GAPVD1: variants seen among roughly 807,000 people sequenced by gnomAD.
The protein encoded by GAPVD1 is GTPase-activating protein and VPS9 domain-containing protein 1.
Under a neutral mutation model 155.5 loss-of-function variants are expected in GAPVD1, and 35 were observed. The ratio of observed to expected loss-of-function variants is 0.23; its 90% CI spans 0.17 to 0.30. The LOEUF is 0.30. Among genes scored for constraint, GAPVD1 ranks in the 10% least tolerant of loss-of-function variants. The pLI is 1.00. For synonymous variants in GAPVD1, 636 were observed against 619.7 expected, an observed-to-expected ratio of 1.03 and a Z score of -0.39; for missense variants, 1,429 against 1,775.7, an observed-to-expected ratio of 0.80 and a Z score of 3.51.
chr9:125,367,206 G>T lies in GAPVD1; in HGVS notation c.*4460G>T, dbSNP rs1267110398. The T allele has an allele frequency of 6.6e-6, 1 of 151,954 alleles. No homozygotes were observed. The highest frequency in any genetic ancestry group is 2.4e-5 in the African/African-American group (1 of 41,356). 9.4% of individuals were successfully genotyped at this position (151,954 alleles called of 1,614,324 possible). Reference sequence around the variant, plus strand: ...AAGGGGAGAGCAGTTTGATTCACAGGGTTTTATGTTTCTGTCATCTATTTT... The same window carrying T: ...AAGGGGAGAGCAGTTTGATTCACAGTGTTTTATGTTTCTGTCATCTATTTT... On this transcript the variant is annotated 3_prime_UTR_variant, in exon 28 of 28. Transcript: ENST00000297933.
chr9:125,333,999 A>G (rs1281658654), intron 15 of GAPVD1, among the ~76,000 whole-genome samples: 1 of 152,074 alleles, frequency 6.6e-6, no homozygotes, highest in Non-Finnish European at 1.5e-5. Flanking sequence ...ACATTGCCAA[A>G]TGCTCTCTTG....
At chr9:125,359,282 T>A (rs1278348392) in intron 25 of GAPVD1, 138 bp from the exon 26 acceptor site, 6 of 667,326 alleles carry the variant, frequency 9.0e-6, no homozygotes, top group Non-Finnish European at 1.4e-5. Context: ...GAGGCTCAAC[T>A]CTAACTGTAA....
At chr9:125,334,921 A>T (rs1018093678) in intron 15 of GAPVD1, among the ~76,000 whole-genome samples, 1 of 152,184 alleles carries the variant, frequency 6.6e-6, no homozygotes, top group African/African-American at 2.4e-5. Context: ...ACGTGTGTCT[A>T]CCTGCATGAG....
In GAPVD1 at chr9:125,272,684, A is replaced by G. The variant is rs368752310; in HGVS notation, c.-150+3700A>G. On this transcript the variant is annotated intron_variant, in intron 2 of 27. Transcript: ENST00000297933. Reference sequence around the variant, plus strand: ...TTGAAAACCTATTTTAACAAACTGGATAATATTGTTGACTAGGAGGTTTCT... The same window carrying G: ...TTGAAAACCTATTTTAACAAACTGGGTAATATTGTTGACTAGGAGGTTTCT... 3.2e-4 allele frequency among the ~76,000 whole-genome samples: 49 copies of G among 152,312 alleles called. 1 individual carries two copies. In the East Asian group the frequency reaches 6.6e-3, roughly 20 times the overall value.
At chr9:125,322,198 G>A (rs1040747170) in intron 10 of GAPVD1, among the ~76,000 whole-genome samples, 2 of 151,662 alleles carry the variant, frequency 1.3e-5, no homozygotes, top group African/African-American at 4.9e-5. Flanking sequence ...CTGCATAGTT[G>A]GGACTACAGG....
intron 27 of GAPVD1, among the ~76,000 whole-genome samples, chr9:125,361,160 C>T (rs747288245): frequency 6.6e-6 from 1 of 152,084 alleles, no homozygotes; most frequent in Non-Finnish European, 1.5e-5. Flanking sequence ...TGAGCCACCG[C>T]GCCCAGCCAA....
At chr9:125,334,408 G>A (rs1034947920) in intron 15 of GAPVD1, among the ~76,000 whole-genome samples, 2 of 151,936 alleles carry the variant, frequency 1.3e-5, no homozygotes, top group Non-Finnish European at 2.9e-5. Context: ...CCCATATTGC[G>A]TTTTCACCGC....
rs774339962 is a variant in GAPVD1, at chr9:125,346,923, G to A, written c.3151G>A (p.Ala1051Thr). ...KRTSPSDGAM[A>T]NYESTEVMGD... is the part of the protein sequence containing the mutation. ...GACCAGCCCCAGTGATGGAGCAATGGCAAACTATGAAAGTACAGGTGATAA... is the reference window on the plus strand; with the variant it reads ...GACCAGCCCCAGTGATGGAGCAATGACAAACTATGAAAGTACAGGTGATAA... The change falls in exon 20 of 28, where the codon GCA becomes ACA. Residue 1051 changes from alanine (A) to threonine (T), a missense_variant. By Grantham distance (58) the Ala-to-Thr change is moderately conservative. Transcript: ENST00000297933. 24 of 1,612,504 alleles carry A rather than the reference G, an allele frequency of 1.5e-5. No homozygotes were observed. The East Asian group carries it at 5.3e-4, about 36-fold the overall frequency.
rs1846228848 is a variant in GAPVD1, at chr9:125,332,445, C to A, written c.2309-65C>A. ...AGAATGTTTCAGTTTCTCCAAATTT[C>A]ATATACTTTTTGTGTGGATATTTTG... On this transcript the variant is annotated intron_variant, in intron 14 of 27. Transcript: ENST00000297933. 11 of 1,327,794 alleles carry A rather than the reference C, an allele frequency of 8.3e-6. No homozygotes were observed. In the South Asian group the frequency reaches 1.3e-4, roughly 16 times the overall value. 82.3% of individuals were successfully genotyped at this position (1,327,794 alleles called of 1,614,324 possible).
chr9:125,327,912 C>T (rs1419642714), intron 12 of GAPVD1, among the ~76,000 whole-genome samples: 1 of 152,202 alleles, frequency 6.6e-6, no homozygotes, highest in Non-Finnish European at 1.5e-5. Context: ...TTTCTTTCAT[C>T]TGTTCTCCTA....
chr9:125,275,124 G>C (rs1835558400), intron 2 of GAPVD1, among the ~76,000 whole-genome samples: 1 of 152,056 alleles, frequency 6.6e-6, no homozygotes. Context: ...CACCCAGGCT[G>C]GAGTGTAATA....
rs116971362 is a variant in GAPVD1, at chr9:125,261,865, C to G, written c.-293C>G. On this transcript the variant is annotated 5_prime_UTR_variant, in exon 1 of 28. Coordinates refer to ENST00000297933, the MANE Select transcript of GAPVD1 (RefSeq NM_001282680.3). ...AGGCGAGTGGCGAAGGTGGCGGCAG[C>G]GGCGGCGGGGGCAGTCACCGGCTAG... The G allele has an allele frequency of 0.013, 1,982 of 153,852 alleles. 103 individuals are homozygous for G. The highest frequency in any genetic ancestry group is 0.088 in the East Asian group (463 of 5,248). 9.5% of individuals were successfully genotyped at this position (153,852 alleles called of 1,614,324 possible). A position where few individuals can be genotyped will look rare whatever the true frequency, so the allele number is the denominator to read the frequency against.
Position 125,312,600 on chromosome 9 carries a change from G to A in GAPVD1, c.1590G>A (p.Met530Ile), listed in dbSNP as rs17851863. 7 of 1,584,482 alleles carry A rather than the reference G, an allele frequency of 4.4e-6. No individual in the cohort carries two copies. The South Asian group carries it at 8.3e-5, about 19-fold the overall frequency. Residue 530 changes from methionine to isoleucine, a missense_variant, in exon 9 of 28, where the codon ATG (methionine) becomes ATA (isoleucine). Coordinates refer to ENST00000297933, the MANE Select transcript of GAPVD1 (RefSeq NM_001282680.3). ...GTCCCCAGCTTACTCCAGGGATGAT[G>A]TCAGAAAATGAGGTATGAATCAGTT... Reference protein sequence around the residue: ...GTGPQLTPGMMSENEVLNMQL... With the variant: ...GTGPQLTPGMISENEVLNMQL...
At chr9:125,299,601 GC>G (rs1398520964) in intron 4 of GAPVD1, among the ~76,000 whole-genome samples, 1 of 151,700 alleles carries the variant, frequency 6.6e-6, no homozygotes, top group Admixed American at 6.6e-5. Context: ...GTTGCAGTGG[GC>G]CGAGATTGTG....
rs770521147 is a variant in GAPVD1, at chr9:125,302,049, T to C, written c.252T>C (p.Asp84=). 2.5e-6 allele frequency: 4 copies of C among 1,611,836 alleles called. No individual in the cohort carries two copies. Among genetic ancestry groups the C allele is most frequent in the South Asian group, 1.1e-5 (1 of 90,468 alleles). The part of the protein sequence containing the change: ...AKILEDTQFV[D]GYKQLGFQET... The stretch of plus-strand genomic sequence containing the variant: ...TTTTGGAAGATACACAATTTGTTGA[T>C]GGGTATAAGCAATTGGGATTTCAGG... The change falls in exon 5 of 28, where the codon GAT becomes GAC. Residue 84 remains aspartate, a synonymous_variant. Coordinates refer to ENST00000297933, the MANE Select transcript of GAPVD1 (RefSeq NM_001282680.3).
intron 2 of GAPVD1, among the ~76,000 whole-genome samples, chr9:125,288,276 T>C (rs1838040697): frequency 6.6e-6 from 1 of 151,944 alleles, no homozygotes; most frequent in South Asian, 2.1e-4. Context: ...CACACCTGGC[T>C]CATTTTTGTA....
At chr9:125,297,935 G>A (rs562214416) in intron 3 of GAPVD1, among the ~76,000 whole-genome samples, 2 of 152,148 alleles carry the variant, frequency 1.3e-5, no homozygotes, top group South Asian at 2.1e-4. Flanking sequence ...TAGTAGAAAC[G>A]GGGTTTCATC....
At chr9:125,268,025 G>A (rs1834256752) in intron 1 of GAPVD1, among the ~76,000 whole-genome samples, 1 of 151,924 alleles carries the variant, frequency 6.6e-6, no homozygotes, top group South Asian at 2.1e-4. Context: ...TTAGCTGGGC[G>A]TGGTGGCTCG....
intron 4 of GAPVD1, among the ~76,000 whole-genome samples, chr9:125,299,880 A>C (rs1020631810): frequency 1.4e-5 from 2 of 143,580 alleles, no homozygotes; most frequent in Admixed American, 1.4e-4. Flanking sequence ...TTAGCGGGGC[A>C]TGGTGGCATA....
Sources: allele counts gnomAD v4.1 joint callset (sites outside exome capture counted in the v4.1 genomes callset), GRCh38; gene constraint gnomAD v4.1.1; transcripts MANE v1.5; gene names NCBI Gene and HGNC (gene_info 2026-07-23, HGNC 2026-07-21).